MYH15: variants seen among roughly 807,000 people sequenced by gnomAD.
MYH15 encodes myosin heavy chain 15, also known as myosin-15.
MYH15 carries 227 observed loss-of-function variants against 240.5 expected under a neutral mutation model. The observed-to-expected ratio is 0.94, with a 90% CI of 0.85 to 1.05. The LOEUF (loss-of-function observed/expected upper bound fraction) is 1.05. Ranked by LOEUF, MYH15 falls within the 50% of genes least tolerant of loss-of-function variation. MYH15 has a pLI of 0.00. For synonymous variants in MYH15, 785 were observed against 796.7 expected, an observed-to-expected ratio of 0.99 and a Z score of 0.25; for missense variants, 2,217 against 2,247.5, an observed-to-expected ratio of 0.99 and a Z score of 0.27.
intron 28 of MYH15, among the ~76,000 whole-genome samples, chr3:108,419,842 G>C (rs886988718): frequency 2.6e-4 from 39 of 152,286 alleles, no homozygotes; most frequent in African/African-American, 9.4e-4. Context: ...TTTTAAAACT[G>C]TGTGCCTCTT....
chr3:108,539,562 T>A, the MYH15 span, among the ~76,000 whole-genome samples: 7 of 152,316 alleles, frequency 4.6e-5, no homozygotes, highest in East Asian at 1.3e-3. Context: ...AACTTCTGGC[T>A]GATTTAAAGC....
At chr3:108,433,586 G>A (rs1462466797) in intron 25 of MYH15, among the ~76,000 whole-genome samples, 2 of 152,112 alleles carry the variant, frequency 1.3e-5, no homozygotes, top group East Asian at 3.9e-4. Flanking sequence ...ACCTGTGGGA[G>A]GTAATTGAAT....
intron 27 of MYH15, among the ~76,000 whole-genome samples, chr3:108,427,881 A>T (rs2082738811): frequency 6.6e-6 from 1 of 152,210 alleles, no homozygotes; most frequent in African/African-American, 2.4e-5. Flanking sequence ...TGCTCTGCTT[A>T]ATCTAAAGCA....
At position 108,405,449 on chromosome 3, in the gene MYH15, G is replaced by A; in HGVS notation, c.4625C>T (p.Ala1542Val). 5 of 1,500,254 alleles carry A rather than the reference G, an allele frequency of 3.3e-6. No homozygotes were observed. Among genetic ancestry groups the A allele is most frequent in the Non-Finnish European group, 4.5e-6 (5 of 1,107,132 alleles). The allele number at this position is 1,500,254 out of a possible 1,614,324, so 92.9% of individuals were successfully genotyped here. A position where few individuals can be genotyped will look rare whatever the true frequency, so the allele number is the denominator to read the frequency against. Reference protein sequence around the residue: ...VQVTLEETEGALERNESKILH... With the variant: ...VQVTLEETEGVLERNESKILH... ...AATCTTGCTTTCATTACGTTCCAGG[G>A]CTCCCTGGAATACATAAATAAAAAG... The change falls in exon 33 of 41, where the codon GCC (alanine) becomes GTC (valine). Residue 1542 changes from alanine to valine, a missense_variant. By Grantham distance (64) the Ala-to-Val change is moderately conservative (BLOSUM62 0). Transcript: ENST00000693548.
chr3:108,506,756 G>A (rs1442236880), intron 1 of MYH15, among the ~76,000 whole-genome samples: 1 of 152,146 alleles, frequency 6.6e-6, no homozygotes, highest in Admixed American at 6.5e-5. Context: ...AATAAGGCAG[G>A]GCACAGTGGC....
intron 9 of MYH15, among the ~76,000 whole-genome samples, chr3:108,487,904 C>G (rs895994424): frequency 2.0e-5 from 3 of 151,970 alleles, no homozygotes; most frequent in African/African-American, 7.3e-5. Context: ...ATAAAAATAT[C>G]CTGTAAAAAT....
At chr3:108,450,593 T>C (rs139967626) in intron 21 of MYH15, among the ~76,000 whole-genome samples, 10 of 152,206 alleles carry the variant, frequency 6.6e-5, no homozygotes, top group Non-Finnish European at 1.3e-4. Flanking sequence ...GTTTCACTTA[T>C]GCAAGATGAG....
At chr3:108,417,095 A>G (rs1576220371) in intron 28 of MYH15, among the ~76,000 whole-genome samples, 165 bp from the exon 29 acceptor site, 1 of 152,180 alleles carries the variant, frequency 6.6e-6, no homozygotes, top group Non-Finnish European at 1.5e-5. Flanking sequence ...CGTGGCAATG[A>G]TCCTTTCCAG....
At chr3:108,541,457 T>TA in the MYH15 span, among the ~76,000 whole-genome samples, 131 of 146,474 alleles carry the variant, frequency 8.9e-4, no homozygotes, top group East Asian at 3.3e-3. Context: ...GGAACCCAGT[T>TA]AAAAAAAAAA....
chr3:108,463,903 C>T (rs544948156), intron 15 of MYH15, among the ~76,000 whole-genome samples: 1 of 151,912 alleles, frequency 6.6e-6, no homozygotes, highest in Admixed American at 6.6e-5. Context: ...CACCAGCAGT[C>T]CTTTAAAGGC....
chr3:108,541,287 C>T, the MYH15 span, among the ~76,000 whole-genome samples: 1 of 151,528 alleles, frequency 6.6e-6, no homozygotes, highest in Non-Finnish European at 1.5e-5. Context: ...AATACTAAAA[C>T]ATTATCAAGT....
rs2082366896 is a variant in MYH15 at position 108,384,555 on chromosome 3, C to T, written c.5631+132G>A. The T allele has an allele frequency of 1.6e-5, 12 of 748,684 alleles. No individual in the cohort carries two copies. The South Asian group carries it at 2.3e-4, about 14-fold the overall frequency. 46.4% of individuals were successfully genotyped at this position (748,684 alleles called of 1,614,324 possible). On this transcript the variant is annotated intron_variant, in intron 39 of 40. Transcript: ENST00000693548. ...GAGAATTCTAACTTGAGAAAAAAAA[C>T]TGAGGATGAGCAGACTCTAAGCTGA...
In MYH15 at chr3:108,383,721, TTG is replaced by T. The variant is rs758864849; in HGVS notation, c.5638_5639del (p.Gln1880SerfsTer9). The T allele has an allele frequency of 6.4e-7, 1 of 1,553,852 alleles. No individual in the cohort carries two copies. Among genetic ancestry groups the T allele is most frequent in the Non-Finnish European group, 8.6e-7 (1 of 1,160,604 alleles). On this transcript the variant is annotated frameshift_variant, in exon 40 of 41. Transcript: ENST00000693548. LOFTEE classifies it high-confidence loss of function. ...TATACTTGGAAAGGTATTGATTGGC[TTG>T]TGTTTCCTATAAAAATAAAAAAAAA... Reference protein sequence around the residue: ...YKQQVEVAETQANQYLSKYKK... With the variant: ...YKQQVEVAETXANQYLSKYKK...
chr3:108,392,927 T>A (rs887754122), intron 36 of MYH15, among the ~76,000 whole-genome samples: 2 of 152,186 alleles, frequency 1.3e-5, no homozygotes, highest in Admixed American at 1.3e-4. Context: ...ACACACCTCG[T>A]TTTCCTCAGA....
Position 108,424,681 on chromosome 3 carries a change from G to C in MYH15, c.3703-3467C>G, listed in dbSNP as rs143735070. Among the ~76,000 whole-genome samples the C allele has an allele frequency of 5.6e-3, 856 of 152,294 alleles. 9 individuals carry two copies. Among genetic ancestry groups the C allele is most frequent in the African/African-American group, 0.016 (665 of 41,570 alleles). ...ATAACATGCTTTTGAAAATGCTTCA[G>C]TCTCCACTGTACCACTCAGCATTGG... On this transcript the variant is annotated intron_variant, in intron 27 of 40. Transcript: ENST00000693548.
intron 39 of MYH15, 120 bp downstream of exon 39, chr3:108,384,567 A>G: frequency 1.2e-6 from 1 of 818,890 alleles, no homozygotes; most frequent in East Asian, 2.7e-5. Flanking sequence ...GAGGATGAGC[A>G]GACTCTAAGC....
chr3:108,488,452 T>C (rs1412747288), intron 9 of MYH15, among the ~76,000 whole-genome samples: 1 of 152,082 alleles, frequency 6.6e-6, no homozygotes, highest in Non-Finnish European at 1.5e-5. Context: ...AGACCACAGG[T>C]GTATGCCACC....
intron 21 of MYH15, among the ~76,000 whole-genome samples, chr3:108,446,856 A>G (rs1214540931): frequency 6.6e-6 from 1 of 152,196 alleles, no homozygotes; most frequent in Non-Finnish European, 1.5e-5. Context: ...ACAAAAGAAT[A>G]AAAAGAATAA....
At chr3:108,461,393 G>T (rs1157509223) in intron 16 of MYH15, among the ~76,000 whole-genome samples, 1 of 152,086 alleles carries the variant, frequency 6.6e-6, no homozygotes, top group Non-Finnish European at 1.5e-5. Context: ...GGATTCCCCA[G>T]GAGAAAGTAT....
Sources: allele counts gnomAD v4.1 joint callset (sites outside exome capture counted in the v4.1 genomes callset), GRCh38; gene constraint gnomAD v4.1.1; transcripts MANE v1.5; gene names NCBI Gene and HGNC (gene_info 2026-07-23, HGNC 2026-07-21).